The following NR3C2 variants were observed in gnomAD, a reference collection of about 807,000 sequenced individuals.
The protein encoded by NR3C2 is nuclear receptor subfamily 3 group C member 2.
Under a neutral mutation model 86.4 loss-of-function variants are expected in NR3C2, and 15 were observed. The ratio of observed to expected loss-of-function variants is 0.17; its 90% CI spans 0.12 to 0.27. NR3C2 has a LOEUF of 0.27. Ranked by LOEUF, NR3C2 falls within the 10% of genes least tolerant of loss-of-function variation. NR3C2 has a pLI of 1.00. For missense variants in NR3C2, 960 were observed against 1,195.6 expected, an observed-to-expected ratio of 0.80 and a Z score of 2.91; for synonymous variants, 458 against 450.5, an observed-to-expected ratio of 1.02 and a Z score of -0.21.
intron 2 of NR3C2, among the ~76,000 whole-genome samples, chr4:148,397,812 T>C (rs1000216162): frequency 6.6e-6 from 1 of 152,178 alleles, no homozygotes; most frequent in African/African-American, 2.4e-5. Context: ...CTAAAATATC[T>C]GGGATACTGT....
chr4:148,169,198 G>A (rs768338268), intron 4 of NR3C2, among the ~76,000 whole-genome samples: 1 of 152,156 alleles, frequency 6.6e-6, no homozygotes, highest in East Asian at 1.9e-4. Flanking sequence ...TCTCTGGAAA[G>A]TTAATCTTTC....
intron 6 of NR3C2, among the ~76,000 whole-genome samples, chr4:148,135,013 G>T (rs1733232889): frequency 6.6e-6 from 1 of 151,920 alleles, no homozygotes. Context: ...TGAAAGAAAG[G>T]CAAGTGCAGT....
chr4:148,094,947 A>G (rs897939453), intron 8 of NR3C2, among the ~76,000 whole-genome samples: 3 of 152,176 alleles, frequency 2.0e-5, no homozygotes, highest in Non-Finnish European at 4.4e-5. Flanking sequence ...GCCAGATAAA[A>G]AAGAACAAAT....
intron 2 of NR3C2, among the ~76,000 whole-genome samples, chr4:148,299,309 T>G (rs979800575): frequency 3.3e-5 from 5 of 152,172 alleles, no homozygotes; most frequent in Admixed American, 6.5e-5. Flanking sequence ...CCCTTTTTTT[T>G]CTGAGGCTTT....
At chr4:148,307,205 T>A (rs898579237) in intron 2 of NR3C2, among the ~76,000 whole-genome samples, 5 of 152,128 alleles carry the variant, frequency 3.3e-5, no homozygotes, top group African/African-American at 1.2e-4. Flanking sequence ...ATGACAACTA[T>A]CATTCAAAGA....
intron 2 of NR3C2, among the ~76,000 whole-genome samples, chr4:148,311,888 C>G (rs1051528682): frequency 3.3e-5 from 5 of 152,178 alleles, no homozygotes; most frequent in African/African-American, 9.6e-5. Flanking sequence ...ATGTTCTTCC[C>G]CCAGAAGTTG....
chr4:148,352,078 CT>C (rs1263004092), intron 2 of NR3C2, among the ~76,000 whole-genome samples: 7 of 152,140 alleles, frequency 4.6e-5, no homozygotes, highest in Non-Finnish European at 7.3e-5. Context: ...GGGAGAAGGG[CT>C]GATAGAGAAA....
chr4:148,190,960 G>A (rs960544916), intron 4 of NR3C2, among the ~76,000 whole-genome samples: 1 of 152,106 alleles, frequency 6.6e-6, no homozygotes, highest in African/African-American at 2.4e-5. Flanking sequence ...GAGCATTTAG[G>A]CCACTAATAT....
chr4:148,303,751 G>A (rs74861663), intron 2 of NR3C2, among the ~76,000 whole-genome samples: 123 of 152,282 alleles, frequency 8.1e-4, no homozygotes, highest in African/African-American at 2.9e-3. Context: ...ACAAATTCCT[G>A]CCAATTAAGC....
intron 4 of NR3C2, among the ~76,000 whole-genome samples, chr4:148,168,974 A>C (rs1363986687): frequency 6.6e-6 from 1 of 152,234 alleles, no homozygotes; most frequent in East Asian, 1.9e-4. Context: ...AATTTCAAGA[A>C]GACACTAAAG....
intron 3 of NR3C2, among the ~76,000 whole-genome samples, chr4:148,259,774 A>C (rs774460967): frequency 1.3e-5 from 2 of 152,230 alleles, no homozygotes; most frequent in Non-Finnish European, 2.9e-5. Flanking sequence ...ATCCTTGCTC[A>C]GAATTTCAAA....
chr4:148,212,335 T>C (rs1476166503), intron 3 of NR3C2, among the ~76,000 whole-genome samples: 3 of 152,256 alleles, frequency 2.0e-5, no homozygotes, highest in Non-Finnish European at 4.4e-5. Flanking sequence ...GGATATCTTA[T>C]GCATCAATAG....
intron 2 of NR3C2, among the ~76,000 whole-genome samples, chr4:148,303,010 C>T (rs953323987): frequency 1.7e-4 from 26 of 152,226 alleles, no homozygotes; most frequent in African/African-American, 6.0e-4. Flanking sequence ...CCCTGTGAAA[C>T]AGAGTTCCAT....
chr4:148,342,969 A>T (rs770796913), intron 2 of NR3C2, among the ~76,000 whole-genome samples: 10 of 152,176 alleles, frequency 6.6e-5, no homozygotes, highest in Non-Finnish European at 1.2e-4. Context: ...TTAGTTTATT[A>T]AAGACAAGGA....
intron 2 of NR3C2, among the ~76,000 whole-genome samples, chr4:148,340,130 T>C (rs755381345): frequency 6.6e-6 from 1 of 152,044 alleles, no homozygotes; most frequent in Admixed American, 6.6e-5. Flanking sequence ...AAAATACCAA[T>C]GACATTCTTC....
intron 4 of NR3C2, among the ~76,000 whole-genome samples, chr4:148,178,393 T>A (rs998384723): frequency 6.6e-6 from 1 of 151,834 alleles, no homozygotes; most frequent in Non-Finnish European, 1.5e-5. Flanking sequence ...TTTGATAATC[T>A]GCTTATTGAA....
intron 2 of NR3C2, among the ~76,000 whole-genome samples, chr4:148,366,119 A>G (rs1002897966): frequency 6.6e-6 from 1 of 152,250 alleles, no homozygotes; most frequent in African/African-American, 2.4e-5. Context: ...GATTTCAGGA[A>G]GTATGGAGTT....
chr4:148,408,531 AG>A (rs1748532864), intron 2 of NR3C2, among the ~76,000 whole-genome samples: 3 of 152,184 alleles, frequency 2.0e-5, no homozygotes. Flanking sequence ...CATCAAACTC[AG>A]GTTTTTAAAC....
intron 2 of NR3C2, among the ~76,000 whole-genome samples, chr4:148,277,758 G>T (rs950116888): frequency 1.3e-5 from 2 of 152,152 alleles, no homozygotes; most frequent in Non-Finnish European, 2.9e-5. Flanking sequence ...CAGGAAGGTT[G>T]CTCCCATGAC....
Sources: allele counts gnomAD v4.1 joint callset (sites outside exome capture counted in the v4.1 genomes callset), GRCh38; gene constraint gnomAD v4.1.1; transcripts MANE v1.5; gene names NCBI Gene and HGNC (gene_info 2026-07-23, HGNC 2026-07-21).